The following KCNE3 variants were observed in gnomAD, a reference collection of about 807,000 sequenced individuals.
The protein encoded by KCNE3 is potassium voltage-gated channel subfamily E member 3.
A neutral mutation model predicts 4.3 loss-of-function variants in KCNE3; 2 were observed. The observed-to-expected ratio is 0.47, with a 90% CI of 0.19 to 1.48. The LOEUF is 1.48. Ranked by LOEUF, KCNE3 falls within the 40% of genes most tolerant of loss-of-function variation. KCNE3 has a pLI of 0.25. For synonymous variants in KCNE3, 47 were observed against 52.0 expected, an observed-to-expected ratio of 0.90 and a Z score of 0.41; for missense variants, 128 against 136.8, an observed-to-expected ratio of 0.94 and a Z score of 0.32.
chr11:74,465,102 CTGTGTG>C (rs143869592), intron 1 of KCNE3, among the ~76,000 whole-genome samples: 2 of 150,048 alleles, frequency 1.3e-5, no homozygotes, highest in African/African-American at 2.5e-5. Context: ...TACTGAAACT[CTGTGTG>C]TGTGTGTGTG....
At chr11:74,466,349 TATC>T (rs1447837355) in intron 1 of KCNE3, among the ~76,000 whole-genome samples, 1 of 152,192 alleles carries the variant, frequency 6.6e-6, no homozygotes, top group Admixed American at 6.5e-5. Flanking sequence ...AGGTGATGGT[TATC>T]ATCTCAAGGA....
In KCNE3 at chr11:74,457,214, C is replaced by T. The variant is rs764717543; in HGVS notation, c.*38G>A. 14 of 1,595,704 alleles carry T rather than the reference C, an allele frequency of 8.8e-6. No individual in the cohort carries two copies. The highest frequency in any genetic ancestry group is 1.1e-5 in the Non-Finnish European group (13 of 1,168,038). ...TTCTGGAGGCCCCAGACGCAATCCC[C>T]AGGTGTCTTGGTCTTCCACCGTCCC... is the stretch of plus-strand genomic sequence containing the variant. On this transcript the variant is annotated 3_prime_UTR_variant, in exon 3 of 3. Transcript: ENST00000310128.
intron 2 of KCNE3, among the ~76,000 whole-genome samples, chr11:74,459,575 G>T (rs746280526): frequency 1.3e-5 from 2 of 151,962 alleles, no homozygotes; most frequent in Non-Finnish European, 2.9e-5. Context: ...AAACAGACTT[G>T]CATCCTTGTC....
intron 2 of KCNE3, among the ~76,000 whole-genome samples, chr11:74,458,803 C>T (rs1863880607): frequency 6.6e-6 from 1 of 151,524 alleles, no homozygotes; most frequent in Admixed American, 6.6e-5. Context: ...CACTGCACTC[C>T]AGCCTGGGCC....
Position 74,457,749 on chromosome 11 carries a change from C to A in KCNE3, c.-40-146G>T, listed in dbSNP as rs1335209827. 7 of 657,638 alleles carry A rather than the reference C, an allele frequency of 1.1e-5. No homozygotes were observed. The East Asian group carries it at 1.9e-4, about 18-fold the overall frequency. 40.7% of individuals were successfully genotyped at this position (657,638 alleles called of 1,614,324 possible). On this transcript the variant is annotated intron_variant, in intron 2 of 2. Coordinates refer to ENST00000310128, the MANE Select transcript of KCNE3 (RefSeq NM_005472.5). ...ACCCAAATCTCATCTGGAATCATAG[C>A]TCCCATAATCCCCATGTGTCATGGG...
At chr11:74,459,308 C>T (rs1045149851) in intron 2 of KCNE3, among the ~76,000 whole-genome samples, 1 of 134,086 alleles carries the variant, frequency 7.5e-6, no homozygotes, top group African/African-American at 2.7e-5. Flanking sequence ...GTCGCCCAGG[C>T]TGCAGTGCAG....
Position 74,457,044 on chromosome 11 carries a change from A to G in KCNE3, c.*208T>C, listed in dbSNP as rs1863832637. On this transcript the variant is annotated 3_prime_UTR_variant, in exon 3 of 3. Transcript: ENST00000310128. ...TGGGCTCCCACTGTTTATAAAGTCT[A>G]TCTTTTCCTGGGAAAAAATCCTTAT... 1.5e-5 allele frequency: 9 copies of G among 608,056 alleles called. No individual in the cohort carries two copies. Among genetic ancestry groups the G allele is most frequent in the South Asian group, 1.2e-4 (6 of 51,140 alleles). 37.7% of individuals were successfully genotyped at this position (608,056 alleles called of 1,614,324 possible). A position where few individuals can be genotyped will look rare whatever the true frequency, so the allele number is the denominator to read the frequency against.
At chr11:74,464,754 C>CT (rs1864025490) in intron 1 of KCNE3, among the ~76,000 whole-genome samples, 1 of 152,214 alleles carries the variant, frequency 6.6e-6, no homozygotes, top group Admixed American at 6.5e-5. Context: ...CTGATTACCA[C>CT]TGAAGCTCCT....
chr11:74,460,189 G>A (rs1863919774), intron 2 of KCNE3, among the ~76,000 whole-genome samples: 1 of 152,172 alleles, frequency 6.6e-6, no homozygotes, highest in Non-Finnish European at 1.5e-5. Flanking sequence ...TCTGGATGGA[G>A]GAGGGGAAAA....
chr11:74,461,460 G>A (rs1198395636), intron 2 of KCNE3, among the ~76,000 whole-genome samples: 1 of 151,772 alleles, frequency 6.6e-6, no homozygotes, highest in African/African-American at 2.4e-5. Flanking sequence ...GAGAAACCCC[G>A]TCTCTACTAA....
chr11:74,463,443 G>C (rs1034574447), intron 1 of KCNE3, among the ~76,000 whole-genome samples: 12 of 152,088 alleles, frequency 7.9e-5, no homozygotes, highest in African/African-American at 2.7e-4. Context: ...GGGCTCTGGG[G>C]CTGCCTCTGG....
chr11:74,463,836 G>A (rs913110424), intron 1 of KCNE3, among the ~76,000 whole-genome samples: 1 of 152,146 alleles, frequency 6.6e-6, no homozygotes, highest in Non-Finnish European at 1.5e-5. Context: ...ACTACAAATG[G>A]CAGTGTTTCC....
chr11:74,462,895 T>C (rs947660434), intron 1 of KCNE3: 1 of 152,192 alleles, frequency 6.6e-6, no homozygotes, highest in African/African-American at 2.4e-5. Context: ...TAACGTCCTG[T>C]GATGATACGA....
Position 74,456,685 on chromosome 11 carries a change from G to A in KCNE3, c.*567C>T, listed in dbSNP as rs1027009558. On this transcript the variant is annotated 3_prime_UTR_variant, in exon 3 of 3. Transcript: ENST00000310128. ...CCTGGATCCACTCCTGTGTAGCACA[G>A]AGTTTTGAAAAGCACTAGGCAAGGA... 2 of 159,150 alleles carry A rather than the reference G, an allele frequency of 1.3e-5. No individual in the cohort carries two copies. Among genetic ancestry groups the A allele is most frequent in the African/African-American group, 4.8e-5 (2 of 41,524 alleles). 9.9% of individuals were successfully genotyped at this position (159,150 alleles called of 1,614,324 possible). A position where few individuals can be genotyped will look rare whatever the true frequency, so the allele number is the denominator to read the frequency against.
Position 74,457,205 on chromosome 11 carries a change from C to T in KCNE3, c.*47G>A, listed in dbSNP as rs535453362. Reference sequence around the variant, plus strand: ...ACAGCAGAGTTCTGGAGGCCCCAGACGCAATCCCCAGGTGTCTTGGTCTTC... The same window carrying T: ...ACAGCAGAGTTCTGGAGGCCCCAGATGCAATCCCCAGGTGTCTTGGTCTTC... On this transcript the variant is annotated 3_prime_UTR_variant, in exon 3 of 3. Coordinates refer to ENST00000310128, the MANE Select transcript of KCNE3 (RefSeq NM_005472.5). 33 of 1,572,764 alleles carry T rather than the reference C, an allele frequency of 2.1e-5. No homozygotes were observed. The highest frequency in any genetic ancestry group is 9.1e-5 in the South Asian group (8 of 88,364).
chr11:74,459,732 G>A (rs1863909539), intron 2 of KCNE3, among the ~76,000 whole-genome samples: 1 of 152,114 alleles, frequency 6.6e-6, no homozygotes, highest in Admixed American at 6.5e-5. Context: ...TTACATATAA[G>A]GCAATATGTG....
At position 74,456,139 on chromosome 11, in the gene KCNE3, AC is replaced by A. The variant is rs1863805482; in HGVS notation, c.*1112del. Reference sequence around the variant, plus strand: ...GAGACCAGCCTGGGCAACATGTGAAACCCTGTCTCTACTTAAATATATATAT... The same window carrying A: ...GAGACCAGCCTGGGCAACATGTGAAACCTGTCTCTACTTAAATATATATAT... On this transcript the variant is annotated 3_prime_UTR_variant, in exon 3 of 3. Transcript: ENST00000310128. The A allele has an allele frequency of 1.1e-5, 1 of 92,760 alleles. No individual in the cohort carries two copies. Among genetic ancestry groups the A allele is most frequent in the Non-Finnish European group, 2.4e-5 (1 of 42,216 alleles). The allele number at this position is 92,760 out of a possible 1,614,324, so 5.7% of individuals were successfully genotyped here.
rs535513068 is a variant in KCNE3 at position 74,455,944 on chromosome 11, T to G, written c.*1308A>C. On this transcript the variant is annotated 3_prime_UTR_variant, in exon 3 of 3. Transcript: ENST00000310128. ...GGTTTCACCATGTTGGCCAGGCTGG[T>G]CTCGAACTCCTGACCTCAGGTGATC... 6.6e-6 allele frequency: 1 copy of G among 151,062 alleles called. No homozygotes were observed. Among genetic ancestry groups the G allele is most frequent in the Non-Finnish European group, 1.5e-5 (1 of 67,714 alleles). The allele number at this position is 151,062 out of a possible 1,614,324, so 9.4% of individuals were successfully genotyped here.
chr11:74,463,035 T>C (rs1863988080), intron 1 of KCNE3, among the ~76,000 whole-genome samples: 1 of 152,174 alleles, frequency 6.6e-6, no homozygotes, highest in African/African-American at 2.4e-5. Context: ...CAGGTTAAGA[T>C]GCTTCTGAGC....
Sources: gnomAD v4.1 joint callset for allele counts (sites outside exome capture counted in the v4.1 genomes callset) on GRCh38, gnomAD v4.1.1 for gene constraint, MANE v1.5 for transcripts, NCBI Gene and HGNC (gene_info 2026-07-23, HGNC 2026-07-21) for gene names.